Variants in SLFN12L observed in about 807,000 individuals in gnomAD.
SLFN12L encodes the protein schlafen family member 12 like, also known as schlafen family member 12-like.
A neutral mutation model predicts 34.8 loss-of-function variants in SLFN12L; 34 were observed. The ratio of observed to expected loss-of-function variants is 0.98; its 90% confidence interval spans 0.74 to 1.30. The LOEUF (loss-of-function observed/expected upper bound fraction) is 1.30, where lower values mean the gene tolerates loss of function less well. SLFN12L is among the 50% of genes most tolerant of loss of function. The pLI is 0.00. For synonymous variants in SLFN12L, 259 were observed against 247.5 expected (o/e 1.05, Z -0.44); for missense variants, 703 against 696.2 (o/e 1.01, Z -0.11).
chr17:35,514,716 G>T, intron 2 of SLFN12L: 1 of 380,742 alleles, frequency 2.6e-6, no homozygotes, highest in East Asian at 1.1e-4. Context: ...ACCAAGTTAA[G>T]ACTTTTTCAA....
intron 2 of SLFN12L, among the ~76,000 whole-genome samples, chr17:35,482,546 C>G (rs997585397): frequency 6.6e-6 from 1 of 152,202 alleles, no homozygotes; most frequent in Non-Finnish European, 1.5e-5. Context: ...ACAACCCTGC[C>G]CCATGCAGCT....
chr17:35,497,407 T>C (rs1449154925), intron 2 of SLFN12L, among the ~76,000 whole-genome samples: 1 of 151,210 alleles, frequency 6.6e-6, no homozygotes, highest in East Asian at 1.9e-4. Context: ...TAATAATAAA[T>C]AAAATAAATA....
At chr17:35,498,795 C>A in intron 2 of SLFN12L, 2 of 920,736 alleles carry the variant, frequency 2.2e-6, no homozygotes, top group Admixed American at 2.2e-5. Flanking sequence ...GTTTATCTTA[C>A]TTATTCATCT....
At chr17:35,497,572 G>C (rs982695184) in intron 2 of SLFN12L, among the ~76,000 whole-genome samples, 2 of 152,084 alleles carry the variant, frequency 1.3e-5, no homozygotes, top group African/African-American at 4.8e-5. Flanking sequence ...TTAGTGGAAG[G>C]CCACGTTTAC....
chr17:35,477,218 T>C (rs542092886), intron 4 of SLFN12L, among the ~76,000 whole-genome samples: 2 of 152,302 alleles, frequency 1.3e-5, no homozygotes, highest in South Asian at 4.1e-4. Context: ...CTAGGAAAAG[T>C]GGTTATCCAC....
intron 2 of SLFN12L, among the ~76,000 whole-genome samples, chr17:35,481,880 G>A (rs112120620): frequency 0.039 from 5,980 of 152,196 alleles, 142 homozygotes; most frequent in East Asian, 0.092. Flanking sequence ...TTGTTTTTGA[G>A]ATGGAGTTTC....
At chr17:35,529,216 G>C (rs1203461703) in intron 1 of SLFN12L, among the ~76,000 whole-genome samples, 1 of 152,218 alleles carries the variant, frequency 6.6e-6, no homozygotes, top group Non-Finnish European at 1.5e-5. Flanking sequence ...AGAGGATGTG[G>C]AGAAATAGGA....
At chr17:35,517,231 AT>A (rs1049081774) in intron 2 of SLFN12L, among the ~76,000 whole-genome samples, 1 of 152,222 alleles carries the variant, frequency 6.6e-6, no homozygotes, top group African/African-American at 2.4e-5. Context: ...AGAAAAAAAA[AT>A]CACAAGCATT....
intron 2 of SLFN12L, among the ~76,000 whole-genome samples, chr17:35,515,857 T>A (rs1469515196): frequency 6.6e-6 from 1 of 151,944 alleles, no homozygotes; most frequent in Non-Finnish European, 1.5e-5. Flanking sequence ...TTGGCCAGGC[T>A]GGTCTCGAAC....
rs939214195 is a variant in SLFN12L, at chr17:35,514,070, G to A, written c.86+8209C>T. Among the ~76,000 whole-genome samples the A allele has an allele frequency of 8.5e-5, 13 of 152,316 alleles. 1 individual carries two copies. Among genetic ancestry groups the A allele is most frequent in the South Asian group, 6.2e-4 (3 of 4,830 alleles). ...CTTTGCAGATCAGCAAATGGACTCC[G>A]ACTCCCTCGTTCAATACATTGAGGA... On this transcript the variant is annotated intron_variant, in intron 2 of 4. Coordinates refer to ENST00000628453, the MANE Select transcript of SLFN12L (RefSeq NM_001363830.2).
intron 1 of SLFN12L, 86 bp downstream of exon 1, chr17:35,537,487 A>G (rs947039627): frequency 1.3e-4 from 20 of 152,238 alleles, no homozygotes; most frequent in African/African-American, 7.2e-5. Context: ...GGAGATTTTC[A>G]TCTTAGAGTT....
chr17:35,476,507 AAGGAAGGAAG>A (rs1914024696), intron 4 of SLFN12L, among the ~76,000 whole-genome samples: 1 of 149,392 alleles, frequency 6.7e-6, no homozygotes, highest in African/African-American at 2.5e-5. Context: ...GGAAGGAAGG[AAGGAAGGAAG>A]GAAAGAAGGA....
At chr17:35,501,660 T>C (rs1454780794) in intron 2 of SLFN12L, among the ~76,000 whole-genome samples, 1 of 152,090 alleles carries the variant, frequency 6.6e-6, no homozygotes, top group Non-Finnish European at 1.5e-5. Flanking sequence ...CTAGGAAATA[T>C]GTGGAAAAAT....
At position 35,478,075 on chromosome 17, in the gene SLFN12L, C is replaced by A; in HGVS notation, c.1276G>T (p.Gly426Trp). ...TCCACGGAAGCCAGAATTAAATTAC[C>A]TGGAAGGTGATATCTCAGTGGCTGA... ...KIQPLRYHLP[G>W]LSEKITCAPK... Residue 426 changes from glycine to tryptophan, a missense_variant and splice_region_variant, in exon 4 of 5, where the codon GGG (glycine) becomes TGG (tryptophan). Coordinates refer to ENST00000628453, the MANE Select transcript of SLFN12L (RefSeq NM_001363830.2). The A allele has an allele frequency of 6.6e-7, 1 of 1,525,244 alleles. No homozygotes were observed. 94.5% of individuals were successfully genotyped at this position (1,525,244 alleles called of 1,614,324 possible).
In SLFN12L at chr17:35,472,216, C is replaced by A. The variant is rs1913819473; in HGVS notation, c.*2707G>T. Among the ~76,000 whole-genome samples the A allele has an allele frequency of 6.6e-6, 1 of 152,110 alleles. No homozygotes were observed. The highest frequency in any genetic ancestry group is 6.6e-5 in the Admixed American group (1 of 15,264). On this transcript the variant is annotated 3_prime_UTR_variant, in exon 5 of 5. Transcript: ENST00000628453. The stretch of plus-strand genomic sequence containing the variant: ...TGAGTTTTGCATTTAAGTCTTTAAT[C>A]TATCTTGAGTTAATTTTTGTATAAA...
In SLFN12L at chr17:35,474,695, G is replaced by GT. The variant is rs1299814607; in HGVS notation, c.*227_*228insA. ...CTAGCACTTTGGGAGACCGGGGGGG[G>GT]GGGTTGAATCACGAGGTCAGGAGTT... On this transcript the variant is annotated 3_prime_UTR_variant, in exon 5 of 5. Coordinates refer to ENST00000628453, the MANE Select transcript of SLFN12L (RefSeq NM_001363830.2). The GT allele has an allele frequency of 2.4e-5, 9 of 377,560 alleles. No homozygotes were observed. The highest frequency in any genetic ancestry group is 2.8e-5 in the South Asian group (1 of 35,346). 23.4% of individuals were successfully genotyped at this position (377,560 alleles called of 1,614,324 possible). A position where few individuals can be genotyped will look rare whatever the true frequency, so the allele number is the denominator to read the frequency against.
At chr17:35,531,834 C>T (rs1201968370) in intron 1 of SLFN12L, among the ~76,000 whole-genome samples, 2 of 151,932 alleles carry the variant, frequency 1.3e-5, no homozygotes, top group East Asian at 1.9e-4. Context: ...GGGGTTTCAT[C>T]GTGTTGGCCA....
chr17:35,486,676 C>T (rs955103180), intron 2 of SLFN12L, among the ~76,000 whole-genome samples: 1 of 152,142 alleles, frequency 6.6e-6, no homozygotes, highest in Non-Finnish European at 1.5e-5. Context: ...TCCCTTAAAC[C>T]TTGGGTCTAG....
chr17:35,476,595 A>C (rs1039378804), intron 4 of SLFN12L, among the ~76,000 whole-genome samples: 3 of 152,196 alleles, frequency 2.0e-5, no homozygotes, highest in African/African-American at 7.2e-5. Context: ...CATCAGCCTC[A>C]CGGTGCTCAG....
Sources: gnomAD v4.1 joint callset for allele counts (sites outside exome capture counted in the v4.1 genomes callset) on GRCh38, gnomAD v4.1.1 for gene constraint, MANE v1.5 for transcripts, NCBI Gene and HGNC (gene_info 2026-07-23, HGNC 2026-07-21) for gene names.